ALMS1: variants seen among roughly 807,000 people sequenced by gnomAD.
ALMS1 encodes centrosome-associated protein ALMS1.
A neutral mutation model predicts 352.2 loss-of-function variants in ALMS1; 271 were observed. The observed-to-expected ratio is 0.77, with a 90% CI of 0.70 to 0.85. The LOEUF is 0.85. ALMS1 is among the 40% of genes least tolerant of loss of function. The probability of loss-of-function intolerance (pLI) is 0.00; values close to 1 mark genes in which losing one functional copy is unlikely to be tolerated. For synonymous variants in ALMS1, 1,865 were observed against 1,761.2 expected (o/e 1.06, Z -1.48); for missense variants, 5,445 against 4,870.7 (o/e 1.12, Z -3.51).
intron 9 of ALMS1, among the ~76,000 whole-genome samples, chr2:73,485,142 A>G (rs1378204858): frequency 1.3e-5 from 2 of 152,130 alleles, no homozygotes; most frequent in African/African-American, 2.4e-5. Context: ...TTGGAGGAGG[A>G]GAGGTGCTCT....
intron 16 of ALMS1, among the ~76,000 whole-genome samples, chr2:73,593,260 T>C (rs1344753840): frequency 6.6e-6 from 1 of 151,954 alleles, no homozygotes; most frequent in Non-Finnish European, 1.5e-5. Context: ...TGAGTGCAGA[T>C]GTGTGCATTG....
At chr2:73,473,460 C>T (rs991669581) in intron 9 of ALMS1, among the ~76,000 whole-genome samples, 1 of 151,940 alleles carries the variant, frequency 6.6e-6, no homozygotes, top group Admixed American at 6.6e-5. Flanking sequence ...AATCCAGTAT[C>T]CAGAGTTGTC....
chr2:73,523,777 C>CAA (rs879472220), intron 11 of ALMS1, among the ~76,000 whole-genome samples: 2 of 137,504 alleles, frequency 1.5e-5, no homozygotes, highest in East Asian at 2.1e-4. Flanking sequence ...CCTTCCCCAC[C>CAA]AAAAAAAAAA....
chr2:73,496,951 C>T (rs764562912), intron 10 of ALMS1, among the ~76,000 whole-genome samples: 3 of 152,042 alleles, frequency 2.0e-5, no homozygotes, highest in Non-Finnish European at 4.4e-5. Flanking sequence ...ATTCTGGATA[C>T]GAGTCTTTTC....
At chr2:73,483,011 T>G (rs527888415) in intron 9 of ALMS1, among the ~76,000 whole-genome samples, 4 of 152,386 alleles carry the variant, frequency 2.6e-5, no homozygotes, top group African/African-American at 9.6e-5. Flanking sequence ...TGTTGATCCT[T>G]TCAAAAAACC....
intron 6 of ALMS1, among the ~76,000 whole-genome samples, chr2:73,430,237 C>T (rs1039905984): frequency 2.6e-5 from 4 of 151,878 alleles, no homozygotes; most frequent in African/African-American, 9.7e-5. Context: ...CCCCCATGCC[C>T]GGCTAATTTT....
At chr2:73,499,012 A>G (rs1322947418) in intron 10 of ALMS1, among the ~76,000 whole-genome samples, 1 of 152,110 alleles carries the variant, frequency 6.6e-6, no homozygotes, top group African/African-American at 2.4e-5. Flanking sequence ...TTTTTTAAGG[A>G]ACCTCCAAAC....
rs1186642479 is a variant in ALMS1, at chr2:73,450,494, A to G, written c.3967A>G (p.Lys1323Glu). The G allele has an allele frequency of 1.2e-6, 2 of 1,613,076 alleles. No homozygotes were observed. Among genetic ancestry groups the G allele is most frequent in the African/African-American group, 1.3e-5 (1 of 74,536 alleles). Reference sequence around the variant, plus strand: ...AGCGGTTCCTGGACCAGCTGACCAGAAGACTGTGATACCAATTTTACCCTC... The same window carrying G: ...AGCGGTTCCTGGACCAGCTGACCAGGAGACTGTGATACCAATTTTACCCTC... ...VSAVPGPADQ[K>E]TVIPILPSTF... is the part of the protein sequence containing the mutation. Residue 1323 changes from lysine to glutamate, a missense_variant, in exon 8 of 23, where the codon AAG becomes GAG. Coordinates refer to ENST00000613296, the MANE Select transcript of ALMS1 (RefSeq NM_001378454.1).
At chr2:73,498,800 T>G (rs1000773887) in intron 10 of ALMS1, among the ~76,000 whole-genome samples, 1 of 152,210 alleles carries the variant, frequency 6.6e-6, no homozygotes, top group African/African-American at 2.4e-5. Context: ...TACCACATTT[T>G]CTTACCCATC....
At chr2:73,497,177 A>G (rs941279978) in intron 10 of ALMS1, among the ~76,000 whole-genome samples, 3 of 152,148 alleles carry the variant, frequency 2.0e-5, no homozygotes, top group Admixed American at 6.5e-5. Flanking sequence ...CAAAAAATTC[A>G]TAGTCATTTG....
chr2:73,576,606 T>TTTTTTC (rs1426499298), intron 16 of ALMS1, among the ~76,000 whole-genome samples: 6 of 144,682 alleles, frequency 4.1e-5, no homozygotes, highest in Non-Finnish European at 8.9e-5. Context: ...AGATTACTAG[T>TTTTTTC]TTTTTCTTTT....
intron 2 of ALMS1, among the ~76,000 whole-genome samples, chr2:73,413,670 G>T (rs1671124265): frequency 1.3e-5 from 2 of 152,110 alleles, no homozygotes; most frequent in South Asian, 4.1e-4. Context: ...CAGAAGTTTT[G>T]TAGTTTTACG....
chr2:73,531,981 T>C (rs1673925426), intron 11 of ALMS1, among the ~76,000 whole-genome samples: 1 of 152,250 alleles, frequency 6.6e-6, no homozygotes, highest in African/African-American at 2.4e-5. Context: ...CAATTTGAGA[T>C]GACATTTGGT....
intron 6 of ALMS1, among the ~76,000 whole-genome samples, chr2:73,429,278 C>CTTTTTTTTTTT: frequency 9.7e-6 from 1 of 102,708 alleles, no homozygotes; most frequent in Non-Finnish European, 1.9e-5. Flanking sequence ...AATTAATATG[C>CTTTTTTTTTTT]TTTTTTTTTT....
intron 5 of ALMS1, 135 bp from the exon 6 acceptor site, chr2:73,426,318 A>G (rs1671377203): frequency 2.3e-6 from 2 of 858,344 alleles, no homozygotes; most frequent in Middle Eastern, 5.1e-4. Context: ...TTGACCAGTG[A>G]TGCATCATTA....
intron 16 of ALMS1, among the ~76,000 whole-genome samples, chr2:73,578,703 A>T (rs1675105563): frequency 6.6e-6 from 1 of 152,248 alleles, no homozygotes; most frequent in South Asian, 2.1e-4. Flanking sequence ...AGACATCTCC[A>T]TCCCTTCCTC....
At chr2:73,579,362 C>CTT (rs201175670) in intron 16 of ALMS1, among the ~76,000 whole-genome samples, 7 of 144,832 alleles carry the variant, frequency 4.8e-5, no homozygotes, top group African/African-American at 1.8e-4. Flanking sequence ...ACCTGGCCTT[C>CTT]TTTTTTTTTT....
At chr2:73,410,985 A>C (rs759430069) in intron 2 of ALMS1, among the ~76,000 whole-genome samples, 18 of 152,136 alleles carry the variant, frequency 1.2e-4, no homozygotes, top group Non-Finnish European at 1.8e-4. Context: ...TGACCATAAA[A>C]AACATAGTAC....
chr2:73,503,686 A>G (rs962947173), intron 10 of ALMS1, among the ~76,000 whole-genome samples: 3 of 152,284 alleles, frequency 2.0e-5, no homozygotes, highest in Middle Eastern at 3.4e-3. Flanking sequence ...TGACTTCCAC[A>G]ATGGTTGAAC....
Sources: allele counts gnomAD v4.1 joint callset (sites outside exome capture counted in the v4.1 genomes callset), GRCh38; gene constraint gnomAD v4.1.1; transcripts MANE v1.5; gene names NCBI Gene and HGNC (gene_info 2026-07-23, HGNC 2026-07-21).